The following LRRC7 variants were observed in gnomAD, a reference collection of about 807,000 sequenced individuals.
The protein encoded by LRRC7 is leucine rich repeat containing 7, also known as leucine-rich repeat-containing protein 7.
A neutral mutation model predicts 175.7 loss-of-function variants in LRRC7; 23 were observed. The ratio of observed to expected loss-of-function variants is 0.13; its 90% CI spans 0.09 to 0.19. The LOEUF (loss-of-function observed/expected upper bound fraction) is 0.19, where lower values mean the gene tolerates loss of function less well. Ranked by LOEUF, LRRC7 falls within the 10% of genes least tolerant of loss-of-function variation. LRRC7 has a pLI of 1.00. For missense variants in LRRC7, 1,354 were observed against 1,904.7 expected, an observed-to-expected ratio of 0.71 and a Z score of 5.38; for synonymous variants, 685 against 680.9, an observed-to-expected ratio of 1.01 and a Z score of -0.09.
At chr1:69,631,966 T>A (rs1012998965) in intron 1 of LRRC7, among the ~76,000 whole-genome samples, 3 of 152,192 alleles carry the variant, frequency 2.0e-5, no homozygotes, top group Admixed American at 6.5e-5. Flanking sequence ...AATAAAAACC[T>A]TTATCATGTC....
intron 7 of LRRC7, among the ~76,000 whole-genome samples, chr1:69,870,973 A>G (rs1313917052): frequency 6.6e-6 from 1 of 152,142 alleles, no homozygotes; most frequent in Non-Finnish European, 1.5e-5. Context: ...CAATTATATG[A>G]TGTAAATTTT....
chr1:69,791,960 C>T (rs946984001), intron 3 of LRRC7, 83 bp from the exon 4 acceptor site: 10 of 870,240 alleles, frequency 1.1e-5, no homozygotes, highest in Non-Finnish European at 1.9e-5. Flanking sequence ...CATATATAAA[C>T]ATGGTGACTT....
Position 70,140,096 on chromosome 1 carries a change from CTAGA to C in LRRC7, c.*18211_*18214del, listed in dbSNP as rs1667007769. 6.6e-6 allele frequency: 1 copy of C among 152,018 alleles called. No homozygotes were observed. The highest frequency in any genetic ancestry group is 6.6e-5 in the Admixed American group (1 of 15,252). The allele number at this position is 152,018 out of a possible 1,614,324, so 9.4% of individuals were successfully genotyped here. Reference sequence around the variant, plus strand: ...AAAAGATACATCAAGCAATAATAAACTAGATGTGCAATAATCTTGTCGAGTAGTA... The same window carrying C: ...AAAAGATACATCAAGCAATAATAAACTGTGCAATAATCTTGTCGAGTAGTA... On this transcript the variant is annotated 3_prime_UTR_variant, in exon 27 of 27. Transcript: ENST00000651989.
At chr1:69,986,059 G>T (rs562411225) in intron 9 of LRRC7, among the ~76,000 whole-genome samples, 183 bp from the exon 10 acceptor site, 1 of 152,210 alleles carries the variant, frequency 6.6e-6, no homozygotes, top group South Asian at 2.1e-4. Context: ...CTTCAAAGTG[G>T]CTATACCATT....
intron 23 of LRRC7, among the ~76,000 whole-genome samples, chr1:70,057,056 C>T (rs766179705): frequency 2.6e-5 from 4 of 152,088 alleles, no homozygotes; most frequent in Non-Finnish European, 5.9e-5. Context: ...ACCTGTAAAA[C>T]TCAAGAAAGA....
chr1:69,644,151 T>G (rs1654650902), intron 1 of LRRC7, among the ~76,000 whole-genome samples: 1 of 152,100 alleles, frequency 6.6e-6, no homozygotes, highest in South Asian at 2.1e-4. Context: ...GATATAGCAT[T>G]CTATAAATAT....
chr1:69,743,338 A>G (rs1668913772), intron 2 of LRRC7, among the ~76,000 whole-genome samples: 1 of 152,000 alleles, frequency 6.6e-6, no homozygotes, highest in African/African-American at 2.4e-5. Context: ...GTGACATTTG[A>G]ACTGTCTTAA....
chr1:69,758,028 T>C (rs1670627004), intron 2 of LRRC7, among the ~76,000 whole-genome samples: 1 of 151,992 alleles, frequency 6.6e-6, no homozygotes, highest in Non-Finnish European at 1.5e-5. Context: ...ACTACCATAG[T>C]CTATGCTATC....
chr1:69,616,242 T>C (rs1053368149), intron 1 of LRRC7, among the ~76,000 whole-genome samples: 2 of 152,036 alleles, frequency 1.3e-5, no homozygotes, highest in African/African-American at 4.8e-5. Context: ...GGGAAGTTAA[T>C]TTTTCATTGG....
intron 2 of LRRC7, among the ~76,000 whole-genome samples, chr1:69,742,064 G>C (rs566946544): frequency 8.5e-5 from 13 of 152,052 alleles, no homozygotes; most frequent in East Asian, 1.9e-4. Flanking sequence ...ATATGTGTAG[G>C]TGTGTGTTTT....
chr1:69,702,021 TA>T (rs1030866863), intron 2 of LRRC7, among the ~76,000 whole-genome samples: 2 of 152,220 alleles, frequency 1.3e-5, no homozygotes, highest in Non-Finnish European at 2.9e-5. Context: ...TTTACATTTT[TA>T]TAACAATATC....
chr1:69,763,934 A>G (rs757122893), intron 3 of LRRC7, among the ~76,000 whole-genome samples: 21 of 152,174 alleles, frequency 1.4e-4, no homozygotes, highest in Admixed American at 2.6e-4. Context: ...CTGATATTGT[A>G]CACAGAGAAT....
intron 3 of LRRC7, among the ~76,000 whole-genome samples, chr1:69,768,394 A>C (rs1258968001): frequency 6.6e-6 from 1 of 152,110 alleles, no homozygotes. Flanking sequence ...CTGCTCAAAC[A>C]TCACTGGAGA....
intron 2 of LRRC7, among the ~76,000 whole-genome samples, chr1:69,707,056 A>G (rs528737960): frequency 2.0e-5 from 3 of 152,288 alleles, no homozygotes; most frequent in East Asian, 1.9e-4. Flanking sequence ...GTGTGGTAGG[A>G]TGTGTCTTTA....
chr1:70,095,557 C>T (rs533563215), intron 25 of LRRC7, among the ~76,000 whole-genome samples: 5 of 152,180 alleles, frequency 3.3e-5, no homozygotes, highest in Middle Eastern at 3.4e-3. Flanking sequence ...ACAGGTGTGA[C>T]GATTTATACC....
At chr1:69,787,475 A>G (rs1231701847) in intron 3 of LRRC7, among the ~76,000 whole-genome samples, 1 of 152,172 alleles carries the variant, frequency 6.6e-6, no homozygotes, top group Non-Finnish European at 1.5e-5. Context: ...TGCAGCAAAC[A>G]TCTGCCTGGG....
In LRRC7 at chr1:69,834,764, T is replaced by C; in HGVS notation, c.501-16T>C. ...GCAACATCAATGCAGTGACTAAAAC[T>C]TTAACTCCTTTTTAGACTACCTGAT... is the stretch of plus-strand genomic sequence containing the variant. On this transcript the variant is annotated splice_polypyrimidine_tract_variant and intron_variant, in intron 5 of 26. Transcript: ENST00000651989. 4 of 1,602,690 alleles carry C rather than the reference T, an allele frequency of 2.5e-6. No homozygotes were observed. Among genetic ancestry groups the C allele is most frequent in the Non-Finnish European group, 2.6e-6 (3 of 1,170,124 alleles).
At chr1:69,570,059 T>A (rs1346966185) in intron 1 of LRRC7, among the ~76,000 whole-genome samples, 2 of 152,164 alleles carry the variant, frequency 1.3e-5, no homozygotes, top group Non-Finnish European at 2.9e-5. Flanking sequence ...TAGATTTGTA[T>A]CTGTATATGT....
intron 3 of LRRC7, among the ~76,000 whole-genome samples, chr1:69,770,566 A>G (rs1285917803): frequency 6.6e-6 from 1 of 152,184 alleles, no homozygotes; most frequent in Admixed American, 6.5e-5. Flanking sequence ...TGAAAAAACT[A>G]CTTGTATCAC....
Sources: gnomAD v4.1 joint callset for allele counts (sites outside exome capture counted in the v4.1 genomes callset) on GRCh38, gnomAD v4.1.1 for gene constraint, MANE v1.5 for transcripts, NCBI Gene and HGNC (gene_info 2026-07-23, HGNC 2026-07-21) for gene names.